The following VASP variants were observed in gnomAD, a reference collection of about 807,000 sequenced individuals.
VASP encodes vasodilator stimulated phosphoprotein, also known as vasodilator-stimulated phosphoprotein.
VASP carries 27 observed loss-of-function variants against 54.4 expected under a neutral mutation model. The observed-to-expected ratio is 0.50, with a 90% CI of 0.37 to 0.68. VASP has a LOEUF of 0.68. Ranked by LOEUF, VASP falls within the 30% of genes least tolerant of loss-of-function variation. The pLI is 0.00. For missense variants in VASP, 488 were observed against 528.3 expected, an observed-to-expected ratio of 0.92 and a Z score of 0.75; for synonymous variants, 233 against 209.8, an observed-to-expected ratio of 1.11 and a Z score of -0.96.
intron 7 of VASP, among the ~76,000 whole-genome samples, chr19:45,523,177 C>T (rs1056525969): frequency 1.4e-5 from 2 of 145,574 alleles, no homozygotes; most frequent in Admixed American, 7.0e-5. Context: ...ATTCTAGAAC[C>T]ACAATCTCTT....
intron 1 of VASP, among the ~76,000 whole-genome samples, chr19:45,510,864 T>G (rs1211679762): frequency 1.3e-5 from 2 of 150,030 alleles, no homozygotes; most frequent in Non-Finnish European, 3.0e-5. Context: ...GCTGGGGAGG[T>G]TGAGGCCGCA....
intron 3 of VASP, among the ~76,000 whole-genome samples, chr19:45,519,713 A>AGCCTCCCGAGTAGCTGGGACTACAG (rs1968786013): frequency 6.8e-6 from 1 of 146,636 alleles, no homozygotes; most frequent in Admixed American, 7.0e-5. Context: ...CTCCTGCCTC[A>AGCCTCCCGAGTAGCTGGGACTACAG]GCCTCCCGAG....
In VASP at chr19:45,510,247, C is replaced by T. The variant is rs138115869; in HGVS notation, c.5+2471C>T. On this transcript the variant is annotated intron_variant, in intron 1 of 12. Coordinates refer to ENST00000245932, the MANE Select transcript of VASP (RefSeq NM_003370.4). ...GTTGGTTTGTTTGTTTGTTTTGAGACGGAAATTTTGCTCTTGTTGCCCAGG... is the reference window on the plus strand; with the variant it reads ...GTTGGTTTGTTTGTTTGTTTTGAGATGGAAATTTTGCTCTTGTTGCCCAGG... Among the ~76,000 whole-genome samples the T allele has an allele frequency of 3.5e-3, 533 of 152,086 alleles. 2 individuals are homozygous for T. Among genetic ancestry groups the T allele is most frequent in the Admixed American group, 6.4e-3 (97 of 15,252 alleles).
At chr19:45,524,239 C>T in intron 10 of VASP, 97 bp downstream of exon 10, 1 of 1,410,842 alleles carries the variant, frequency 7.1e-7, no homozygotes, top group East Asian at 2.3e-5. Flanking sequence ...GGCGACACCC[C>T]ATCTCTACAA....
In VASP at chr19:45,522,598, G is replaced by A. The variant is rs1468620649; in HGVS notation, c.720+17G>A. 4 of 1,487,672 alleles carry A rather than the reference G, an allele frequency of 2.7e-6. No homozygotes were observed. The highest frequency in any genetic ancestry group is 2.7e-6 in the Non-Finnish European group (3 of 1,126,468). 92.2% of individuals were successfully genotyped at this position (1,487,672 alleles called of 1,614,324 possible). ...GTCAGCAAGGTGAGGGGCCGGGAGA[G>A]GTGGGCAGGGGGCAACAGGGCTTTT... On this transcript the variant is annotated intron_variant, in intron 6 of 12. Coordinates refer to ENST00000245932, the MANE Select transcript of VASP (RefSeq NM_003370.4).
At chr19:45,508,505 A>G (rs769954404) in intron 1 of VASP, among the ~76,000 whole-genome samples, 1 of 152,080 alleles carries the variant, frequency 6.6e-6, no homozygotes, top group Non-Finnish European at 1.5e-5. Flanking sequence ...CTCCGGCCAT[A>G]AGGGCGGCCC....
Position 45,522,381 on chromosome 19 carries a change from C to G in VASP, c.520C>G (p.Pro174Ala), listed in dbSNP as rs1255559280. The G allele has an allele frequency of 1.9e-6, 3 of 1,539,826 alleles. No homozygotes were observed. Among genetic ancestry groups the G allele is most frequent in the Non-Finnish European group, 2.6e-6 (3 of 1,139,078 alleles). Residue 174 changes from proline (P) to alanine (A), a missense_variant, in exon 6 of 13, where the codon CCA (proline) becomes GCA (alanine). Pro to Ala is a conservative substitution (Grantham distance 27, BLOSUM62 -1). This residue lies in a region of VASP where 226 missense variants were observed against 196.0 expected (regional missense o/e 1.15). Transcript: ENST00000245932. ...APPAGGPPPP[P>A]GPPPPPGPPP... Reference sequence around the variant, plus strand: ...CCCCGCTGGGGGTCCACCCCCACCACCAGGACCTCCCCCTCCTCCAGGTCC... The same window carrying G: ...CCCCGCTGGGGGTCCACCCCCACCAGCAGGACCTCCCCCTCCTCCAGGTCC...
At chr19:45,525,914 C>G (rs3815409) in intron 11 of VASP, 32 bp from the exon 12 acceptor site, 66,009 of 1,596,030 alleles carry the variant, frequency 0.041, 2,541 homozygotes, top group East Asian at 0.2. Context: ...CCCGGTACCC[C>G]CTCCTGATTA....
At chr19:45,524,272 C>T (rs1968911363) in intron 10 of VASP, 130 bp downstream of exon 10, 13 of 1,076,504 alleles carry the variant, frequency 1.2e-5, no homozygotes, top group Admixed American at 4.0e-5. Flanking sequence ...CGTGGTAGCA[C>T]TTACCTGTGG....
At chr19:45,519,414 G>A (rs1968776733) in intron 3 of VASP, among the ~76,000 whole-genome samples, 1 of 152,062 alleles carries the variant, frequency 6.6e-6, no homozygotes, top group South Asian at 2.1e-4. Flanking sequence ...AAAGTGCTGG[G>A]ATTATAAGTG....
chr19:45,510,193 G>T (rs1208189337), intron 1 of VASP, among the ~76,000 whole-genome samples: 1 of 151,634 alleles, frequency 6.6e-6, no homozygotes. Flanking sequence ...GCATTTTTGT[G>T]CCTGACAGCA....
chr19:45,510,156 T>C (rs1439527684), intron 1 of VASP, among the ~76,000 whole-genome samples: 4 of 152,158 alleles, frequency 2.6e-5, no homozygotes, highest in Non-Finnish European at 4.4e-5. Context: ...TAAGAGACCA[T>C]TTGATCAAGC....
rs563126812 is a variant in VASP at position 45,523,655 on chromosome 19, C to T, written c.833C>T (p.Thr278Met). The change falls in exon 8 of 13, where the codon ACG (threonine) becomes ATG (methionine). Residue 278 changes from threonine (T) to methionine (M), a missense_variant. By Grantham distance (81) the Thr-to-Met change is moderately conservative. This residue lies in a region of VASP where 126 missense variants were observed against 134.8 expected (regional missense o/e 0.94). Transcript: ENST00000245932. ...TTTCTCTCCTGCAGAAGGAAAGCCA[C>T]GCAAGTTGGGGAGAAAACCCCCAAG... ...NAMLARRRKA[T>M]QVGEKTPKDE... The T allele has an allele frequency of 7.1e-5, 114 of 1,613,852 alleles. No homozygotes were observed. Among genetic ancestry groups the T allele is most frequent in the Non-Finnish European group, 9.1e-5 (107 of 1,180,028 alleles).
chr19:45,509,654 T>G (rs893822655), intron 1 of VASP, among the ~76,000 whole-genome samples: 1 of 152,182 alleles, frequency 6.6e-6, no homozygotes, highest in Non-Finnish European at 1.5e-5. Context: ...AATGACCAGA[T>G]GCCTGTCCCA....
chr19:45,512,663 G>T (rs1568385773), intron 1 of VASP, among the ~76,000 whole-genome samples: 1 of 151,860 alleles, frequency 6.6e-6, no homozygotes, highest in Non-Finnish European at 1.5e-5. Flanking sequence ...GCAGTGGCGT[G>T]ATCTTGGCTC....
chr19:45,512,170 TTG>T (rs1373442362), intron 1 of VASP, among the ~76,000 whole-genome samples: 1 of 152,102 alleles, frequency 6.6e-6, no homozygotes, highest in Non-Finnish European at 1.5e-5. Context: ...TACAAAATAT[TTG>T]TTTCTTCCCT....
At chr19:45,524,432 A>C (rs1968914720) in intron 10 of VASP, 138 bp from the exon 11 acceptor site, 1 of 856,860 alleles carries the variant, frequency 1.2e-6, no homozygotes, top group Admixed American at 2.4e-5. Context: ...CCAAAAAAAA[A>C]AAAAACTGGG....
Position 45,526,218 on chromosome 19 carries a change from C to T in VASP, c.*41C>T. 6.3e-7 allele frequency: 1 copy of T among 1,585,098 alleles called. No homozygotes were observed. The highest frequency in any genetic ancestry group is 8.5e-7 in the Non-Finnish European group (1 of 1,170,832). ...AGACCCGCTTCTCCTTTCCGCACACCCGGCCTGTCACCCTGCTTTCCCTGC... is the reference window on the plus strand; with the variant it reads ...AGACCCGCTTCTCCTTTCCGCACACTCGGCCTGTCACCCTGCTTTCCCTGC... On this transcript the variant is annotated 3_prime_UTR_variant, in exon 13 of 13. Transcript: ENST00000245932.
intron 11 of VASP, 98 bp downstream of exon 11, chr19:45,524,758 C>T: frequency 8.2e-7 from 1 of 1,221,682 alleles, no homozygotes; most frequent in Non-Finnish European, 1.2e-6. Context: ...TCTCAGAAAC[C>T]TCAGGTTTCC....
Sources: gnomAD v4.1 joint callset for allele counts (sites outside exome capture counted in the v4.1 genomes callset) on GRCh38, gnomAD v4.1.1 for gene constraint, gnomAD v4.1.1 regional missense constraint, MANE v1.5 for transcripts, NCBI Gene and HGNC (gene_info 2026-07-23, HGNC 2026-07-21) for gene names.